The following ATP2C2 variants were observed in gnomAD, a reference collection of about 807,000 sequenced individuals.
ATP2C2 encodes ATPase secretory pathway Ca2+ transporting 2.
A neutral mutation model predicts 110.8 loss-of-function variants in ATP2C2; 171 were observed. The ratio of observed to expected loss-of-function variants is 1.54; its 90% CI spans 1.36 to 1.75. ATP2C2 has a LOEUF of 1.75. Among genes scored for constraint, ATP2C2 ranks in the 40% most tolerant of loss-of-function variants. The pLI, the probability that ATP2C2 is intolerant of heterozygous loss-of-function variation, is 0.00. For synonymous variants in ATP2C2, 804 were observed against 508.4 expected, an observed-to-expected ratio of 1.58 and a Z score of -7.82; for missense variants, 1,963 against 1,235.0, an observed-to-expected ratio of 1.59 and a Z score of -8.84.
chr16:84,451,752 G>C (rs375365451), intron 17 of ATP2C2, among the ~76,000 whole-genome samples, 169 bp from the exon 18 acceptor site: 2 of 152,072 alleles, frequency 1.3e-5, no homozygotes, highest in Non-Finnish European at 2.9e-5. Flanking sequence ...GCAGGAGAAC[G>C]GTTTGAACCC....
chr16:84,417,659 A>G (rs542247877), intron 7 of ATP2C2, among the ~76,000 whole-genome samples: 1 of 152,322 alleles, frequency 6.6e-6, no homozygotes, highest in East Asian at 1.9e-4. Flanking sequence ...TGGGCAGCCA[A>G]GGCGAGTGGA....
At chr16:84,436,505 C>T (rs1009079693) in intron 11 of ATP2C2, among the ~76,000 whole-genome samples, 3 of 152,186 alleles carry the variant, frequency 2.0e-5, no homozygotes, top group African/African-American at 7.2e-5. Context: ...TGGTGAGAGA[C>T]AGTGGCCCCC....
rs116792677 is a variant in ATP2C2 at position 84,372,250 on chromosome 16, G to C, written c.99+3536G>C. Among the ~76,000 whole-genome samples the C allele has an allele frequency of 1.0e-2, 1,522 of 152,270 alleles. 30 individuals carry two copies. Among genetic ancestry groups the C allele is most frequent in the African/African-American group, 0.035 (1,437 of 41,530 alleles). On this transcript the variant is annotated intron_variant, in intron 1 of 26. Coordinates refer to ENST00000262429, the MANE Select transcript of ATP2C2 (RefSeq NM_014861.4). ...AAACATTAGAACTGTGATAAAACAG[G>C]CACAGTCAGATTTGTGTTTTTAAGA...
chr16:84,453,107 G>C (rs1910446778), intron 18 of ATP2C2, 31 bp from the exon 19 acceptor site: 1 of 1,576,066 alleles, frequency 6.3e-7, no homozygotes, highest in African/African-American at 1.4e-5. Flanking sequence ...GCGGGCCTCA[G>C]AGCAGGCCCT....
intron 1 of ATP2C2, among the ~76,000 whole-genome samples, chr16:84,378,810 G>A (rs892319617): frequency 1.3e-5 from 2 of 152,212 alleles, no homozygotes; most frequent in Admixed American, 1.3e-4. Context: ...AGTGCAGGCT[G>A]CCGTGGACAC....
chr16:84,446,191 C>G lies in ATP2C2; in HGVS notation c.1402-138C>G, dbSNP rs1251947956. 6.9e-6 allele frequency: 3 copies of G among 433,464 alleles called. No homozygotes were observed. In the East Asian group the frequency reaches 1.1e-4, roughly 16 times the overall value. The allele number at this position is 433,464 out of a possible 1,614,324, so 26.9% of individuals were successfully genotyped here. A position where few individuals can be genotyped will look rare whatever the true frequency, so the allele number is the denominator to read the frequency against. On this transcript the variant is annotated intron_variant, in intron 15 of 26. Transcript: ENST00000262429. ...GGTGGGACATTCCAAGAGAAATGGC[C>G]TTTTTTCTATGTGCTAAATGCTTGG... is the stretch of plus-strand genomic sequence containing the variant.
chr16:84,387,350 G>A (rs983587474), intron 1 of ATP2C2, among the ~76,000 whole-genome samples: 46 of 152,024 alleles, frequency 3.0e-4, no homozygotes, highest in African/African-American at 9.4e-4. Flanking sequence ...GGTGAAACCC[G>A]TCTCTACAAA....
In ATP2C2 at chr16:84,446,445, T is replaced by C. The variant is rs1357326682; in HGVS notation, c.1503+15T>C. The C allele has an allele frequency of 1.3e-6, 2 of 1,540,342 alleles. No homozygotes were observed. The highest frequency in any genetic ancestry group is 4.6e-5 in the East Asian group (2 of 43,088). On this transcript the variant is annotated intron_variant, in intron 16 of 26. Transcript: ENST00000262429. ...TGAAGACTGAGGTGAGACCTTTCAA[T>C]CTTCAACCTCTTCTCTCTTTCTGCC...
intron 2 of ATP2C2, among the ~76,000 whole-genome samples, chr16:84,403,096 G>A (rs1228877478): frequency 6.6e-6 from 1 of 151,910 alleles, no homozygotes; most frequent in African/African-American, 2.4e-5. Flanking sequence ...GCCACTAATG[G>A]CCCTTTGACT....
rs757232854 is a variant in ATP2C2, at chr16:84,368,624, G to C, written c.9G>C (p.Glu3Asp). The change falls in exon 1 of 27, where the codon GAG becomes GAC. Residue 3 changes from glutamate (E) to aspartate (D), a missense_variant. Physicochemically the swap from Glu to Asp is conservative, Grantham distance 45. Transcript: ENST00000262429. Reference protein sequence around the residue: MVEGRVSEFLKKL... With the variant: MVDGRVSEFLKKL... ...GCCTGCGCCCGCTCACCATGGTCGA[G>C]GGACGCGTCTCCGAGTTCCTGAAGA... The C allele has an allele frequency of 3.8e-6, 6 of 1,559,780 alleles. No homozygotes were observed. The South Asian group carries it at 4.6e-5, about 12-fold the overall frequency.
At position 84,442,531 on chromosome 16, in the gene ATP2C2, G is replaced by A; in HGVS notation, c.1333G>A (p.Ala445Thr). 1 of 1,614,088 alleles carries A rather than the reference G, an allele frequency of 6.2e-7. No individual in the cohort carries two copies. The highest frequency in any genetic ancestry group is 8.5e-7 in the Non-Finnish European group (1 of 1,179,972). ...LVEAGCVANNAVIRKNAVMGQ... is the reference protein window; with the variant it reads ...LVEAGCVANNTVIRKNAVMGQ... ...TTAGGCGGGCTGTGTTGCCAACAAT[G>A]CGGTCATCAGAAAGAACGCCGTGAT... Residue 445 changes from alanine to threonine, a missense_variant, in exon 15 of 27, where the codon GCG becomes ACG. Coordinates refer to ENST00000262429, the MANE Select transcript of ATP2C2 (RefSeq NM_014861.4).
chr16:84,414,081 C>T (rs867503869), intron 6 of ATP2C2, among the ~76,000 whole-genome samples: 4 of 152,048 alleles, frequency 2.6e-5, no homozygotes, highest in African/African-American at 9.7e-5. Flanking sequence ...TGAGGACAAC[C>T]CTAAATAGCT....
chr16:84,422,534 G>C lies in ATP2C2; in HGVS notation c.769G>C (p.Gly257Arg), dbSNP rs780251082. 6.2e-7 allele frequency: 1 copy of C among 1,613,776 alleles called. No individual in the cohort carries two copies. Among genetic ancestry groups the C allele is most frequent in the South Asian group, 1.1e-5 (1 of 91,030 alleles). ...FMGTLVQYGRGQGVVIGTGES... is the reference protein window; with the variant it reads ...FMGTLVQYGRRQGVVIGTGES... ...GGGGACCCTGGTGCAGTATGGGAGG[G>C]GCCAGGTAAGCCCTGGGACACCGAG... The change falls in exon 8 of 27, where the codon GGC (glycine) becomes CGC (arginine). Residue 257 changes from glycine to arginine, a missense_variant. Gly to Arg is a moderately radical substitution (Grantham distance 125). Transcript: ENST00000262429.
At chr16:84,428,243 G>A (rs1907962470) in intron 11 of ATP2C2, among the ~76,000 whole-genome samples, 1 of 152,206 alleles carries the variant, frequency 6.6e-6, no homozygotes, top group South Asian at 2.1e-4. Flanking sequence ...AGTATCAGGT[G>A]TACATGGCTC....
At chr16:84,429,452 C>G (rs1344633441) in intron 11 of ATP2C2, among the ~76,000 whole-genome samples, 3 of 152,200 alleles carry the variant, frequency 2.0e-5, no homozygotes, top group African/African-American at 7.2e-5. Context: ...TGCTTCCAGC[C>G]TTCGTGGAGC....
chr16:84,460,114 A>G, intron 23 of ATP2C2: 1 of 200,364 alleles, frequency 5.0e-6, no homozygotes, highest in Non-Finnish European at 1.0e-5. Flanking sequence ...CCCAAAGCCA[A>G]GTGTGAGGGT....
intron 21 of ATP2C2, among the ~76,000 whole-genome samples, chr16:84,458,645 T>C (rs908306620): frequency 1.3e-5 from 2 of 152,226 alleles, no homozygotes; most frequent in African/African-American, 4.8e-5. Flanking sequence ...TTAAAAGGGC[T>C]TCCGCGAAGA....
intron 11 of ATP2C2, among the ~76,000 whole-genome samples, chr16:84,434,667 C>T (rs1005895585): frequency 1.2e-4 from 18 of 151,760 alleles, no homozygotes; most frequent in Non-Finnish European, 8.8e-5. Context: ...TACAGGTGCT[C>T]GCTACCACAC....
chr16:84,450,555 A>G (rs1168488976), intron 17 of ATP2C2, among the ~76,000 whole-genome samples: 1 of 152,138 alleles, frequency 6.6e-6, no homozygotes, highest in Non-Finnish European at 1.5e-5. Context: ...TGGGTTGGCA[A>G]AGCCCAGGTT....
Sources: gnomAD v4.1 joint callset for allele counts (sites outside exome capture counted in the v4.1 genomes callset) on GRCh38, gnomAD v4.1.1 for gene constraint, MANE v1.5 for transcripts, NCBI Gene and HGNC (gene_info 2026-07-23, HGNC 2026-07-21) for gene names.